CES5A: variants seen among roughly 807,000 people sequenced by gnomAD.
CES5A encodes the protein carboxylesterase 5.
In CES5A, 67 loss-of-function variants were observed where a neutral mutation model predicts 62.9. That is an observed-to-expected ratio of 1.07 (90% CI 0.88 to 1.31). The LOEUF (loss-of-function observed/expected upper bound fraction) is 1.31. Ranked by LOEUF, CES5A falls within the 50% of genes most tolerant of loss-of-function variation. The pLI is 0.00. For missense variants in CES5A, 748 were observed against 708.5 expected, an observed-to-expected ratio of 1.06 and a Z score of -0.63; for synonymous variants, 296 against 280.8, an observed-to-expected ratio of 1.05 and a Z score of -0.54.
In CES5A at chr16:55,875,143, T is replaced by G. The variant is rs2033671112; in HGVS notation, c.73+6A>C. On this transcript the variant is annotated splice_donor_region_variant and intron_variant, in intron 1 of 12. Coordinates refer to ENST00000290567, the MANE Select transcript of CES5A (RefSeq NM_001143685.2). ...GAGAGCCCTCCTTTCCCATTGGATA[T>G]CTCACCTTTGGTGGGGGCTGCAAGG... The G allele has an allele frequency of 1.2e-6, 2 of 1,613,910 alleles. No individual in the cohort carries two copies. Among genetic ancestry groups the G allele is most frequent in the Non-Finnish European group, 1.7e-6 (2 of 1,179,776 alleles).
chr16:55,857,388 A>G (rs1173225469), intron 8 of CES5A, among the ~76,000 whole-genome samples: 1 of 152,162 alleles, frequency 6.6e-6, no homozygotes, highest in Admixed American at 6.5e-5. Context: ...TACCGCTTTA[A>G]AATGTGAGGC....
rs532152909 is a variant in CES5A, at chr16:55,872,324, T to C, written c.279-561A>G. Among the ~76,000 whole-genome samples the C allele has an allele frequency of 9.1e-4, 138 of 152,278 alleles. 1 individual carries two copies. Among genetic ancestry groups the C allele is most frequent in the African/African-American group, 2.6e-3 (106 of 41,566 alleles). ...TGCGTGCTCACATTCTTCCCTTTGT[T>C]TTAGAGTCACTCCAACTTGCCACCT... is the stretch of plus-strand genomic sequence containing the variant. On this transcript the variant is annotated intron_variant, in intron 2 of 12. Coordinates refer to ENST00000290567, the MANE Select transcript of CES5A (RefSeq NM_001143685.2).
intron 11 of CES5A, 92 bp downstream of exon 11, chr16:55,849,532 A>T: frequency 7.1e-7 from 1 of 1,400,734 alleles, no homozygotes; most frequent in Non-Finnish European, 9.8e-7. Context: ...AGAGGTAATT[A>T]AATGCCAACC....
rs201133431 is a variant in CES5A at position 55,866,108 on chromosome 16, T to G, written c.560A>C (p.Asp187Ala). 9.3e-5 allele frequency: 150 copies of G among 1,612,214 alleles called. No individual in the cohort carries two copies. The highest frequency in any genetic ancestry group is 1.2e-4 in the Non-Finnish European group (147 of 1,178,952). ...GGCCCAGTTCCCCGGAGCATGCTGATCCCATGTGCTGAGGACAAGAGGCAG... is the reference window on the plus strand; with the variant it reads ...GGCCCAGTTCCCCGGAGCATGCTGAGCCCATGTGCTGAGGACAAGAGGCAG... The part of the protein sequence containing the change: ...LGIFGFFTTW[D>A]QHAPGNWAFK... Residue 187 changes from aspartate (D) to alanine (A), a missense_variant, in exon 5 of 13, where the codon GAT (aspartate) becomes GCT (alanine). Asp to Ala is a moderately radical substitution (Grantham distance 126). Transcript: ENST00000290567.
chr16:55,885,522 C>A (rs751705246), intron 1 of CES5A, among the ~76,000 whole-genome samples: 4 of 152,094 alleles, frequency 2.6e-5, no homozygotes, highest in Non-Finnish European at 4.4e-5. Context: ...GGAGAGATAA[C>A]AAGAAGGTTG....
intron 2 of CES5A, among the ~76,000 whole-genome samples, chr16:55,945,197 A>G (rs561166681): frequency 6.9e-6 from 1 of 143,934 alleles, no homozygotes; most frequent in African/African-American, 2.8e-5. Flanking sequence ...TTAATGCCCA[A>G]ATTAATAGCT....
upstream of CES5A, among the ~76,000 whole-genome samples, chr16:55,876,236 ATTGACTATCAATTTAC>A (rs1323116469): frequency 6.6e-6 from 1 of 152,160 alleles, no homozygotes; most frequent in African/African-American, 2.4e-5. Context: ...CCACTACCAA[ATTGACTATCAATTTAC>A]TTGATTTTTT....
intron 1 of CES5A, among the ~76,000 whole-genome samples, chr16:55,922,905 A>T (rs1329211505): frequency 6.6e-6 from 1 of 151,930 alleles, no homozygotes; most frequent in Non-Finnish European, 1.5e-5. Context: ...AACTTTACAA[A>T]CATGTGGAAA....
intron 1 of CES5A, among the ~76,000 whole-genome samples, chr16:55,918,323 T>C (rs541840470): frequency 5.7e-4 from 87 of 152,262 alleles, no homozygotes; most frequent in Non-Finnish European, 1.0e-3. Flanking sequence ...ATGTGCTGGG[T>C]TTCTTGAATA....
At chr16:55,917,891 C>T (rs1334141955) in intron 1 of CES5A, among the ~76,000 whole-genome samples, 2 of 152,116 alleles carry the variant, frequency 1.3e-5, no homozygotes, top group Non-Finnish European at 2.9e-5. Context: ...CAAGTTTTTC[C>T]TATCTTAAGA....
intron 9 of CES5A, among the ~76,000 whole-genome samples, chr16:55,855,039 C>G (rs1344450287): frequency 1.3e-5 from 2 of 152,196 alleles, no homozygotes; most frequent in Non-Finnish European, 2.9e-5. Context: ...CCCCTTCCAT[C>G]ACCAGACAAG....
intron 2 of CES5A, among the ~76,000 whole-genome samples, chr16:55,945,518 G>A (rs368130095): frequency 5.3e-5 from 8 of 152,156 alleles, no homozygotes; most frequent in African/African-American, 7.2e-5. Flanking sequence ...TCTGCCATTC[G>A]GGTCTCAGTG....
intron 9 of CES5A, among the ~76,000 whole-genome samples, chr16:55,853,499 A>T (rs753961641): frequency 2.6e-5 from 4 of 152,230 alleles, no homozygotes; most frequent in Non-Finnish European, 5.9e-5. Flanking sequence ...CAGAACATCC[A>T]TGAAACCAGC....
chr16:55,945,466 C>T (rs1314210183), intron 2 of CES5A, among the ~76,000 whole-genome samples: 1 of 152,226 alleles, frequency 6.6e-6, no homozygotes, highest in Non-Finnish European at 1.5e-5. Flanking sequence ...GCAGACTATA[C>T]GGCCAGTCCC....
At chr16:55,856,298 T>C in intron 9 of CES5A, 79 bp downstream of exon 9, 1 of 1,326,570 alleles carries the variant, frequency 7.5e-7, no homozygotes, top group Non-Finnish European at 1.1e-6. Flanking sequence ...TGCCCTTGGC[T>C]TCTCCTGCTG....
chr16:55,849,350 TA>T lies in CES5A; in HGVS notation c.1423+273del, dbSNP rs57836141. On this transcript the variant is annotated intron_variant, in intron 11 of 12. Transcript: ENST00000290567. ...AAGGAAGAAAATGGTTCTAGTATAT[TA>T]AAAAAAAAAATATTTAGATTGCTTG... 4.8e-3 allele frequency among the ~76,000 whole-genome samples: 716 copies of T among 149,318 alleles called. 4 individuals are homozygous for T. The highest frequency in any genetic ancestry group is 0.014 in the African/African-American group (581 of 40,662).
chr16:55,885,123 C>T (rs908620893), intron 1 of CES5A, among the ~76,000 whole-genome samples: 6 of 152,190 alleles, frequency 3.9e-5, no homozygotes, highest in African/African-American at 1.2e-4. Context: ...ACCTGGCCTA[C>T]TCTACTGCCT....
At chr16:55,854,556 T>TCTTC (rs1555479347) in intron 9 of CES5A, among the ~76,000 whole-genome samples, 1 of 136,712 alleles carries the variant, frequency 7.3e-6, no homozygotes, top group Non-Finnish European at 1.5e-5. Context: ...TTTTTTTTTT[T>TCTTC]TGAGACAGAG....
upstream of CES5A, among the ~76,000 whole-genome samples, chr16:55,928,213 A>G (rs575875546): frequency 5.3e-5 from 8 of 152,230 alleles, no homozygotes; most frequent in East Asian, 1.5e-3. Flanking sequence ...ACTGCACTCC[A>G]GCCTGGGCGA....
Sources: gnomAD v4.1 joint callset for allele counts (sites outside exome capture counted in the v4.1 genomes callset) on GRCh38, gnomAD v4.1.1 for gene constraint, MANE v1.5 for transcripts, NCBI Gene and HGNC (gene_info 2026-07-23, HGNC 2026-07-21) for gene names.